The following PRKN variants were observed in gnomAD, a reference collection of about 807,000 sequenced individuals.
PRKN encodes E3 ubiquitin-protein ligase parkin.
Under a neutral mutation model 59.5 loss-of-function variants are expected in PRKN, and 56 were observed. The ratio of observed to expected loss-of-function variants is 0.94; its 90% CI spans 0.76 to 1.18. PRKN has a LOEUF of 1.18. Ranked by LOEUF, PRKN falls within the 50% of genes most tolerant of loss-of-function variation. The probability of loss-of-function intolerance (pLI) is 0.00; values close to 1 mark genes in which losing one functional copy is unlikely to be tolerated. For synonymous variants in PRKN, 250 were observed against 222.1 expected (o/e 1.13, Z -1.12); for missense variants, 657 against 596.4 (o/e 1.10, Z -1.06).
intron 7 of PRKN, among the ~76,000 whole-genome samples, chr6:161,609,382 A>AT (rs1257922601): frequency 6.6e-6 from 1 of 152,042 alleles, no homozygotes; most frequent in African/African-American, 2.4e-5. Context: ...GTGTTTTTTT[A>AT]TTTTTTCTTG....
intron 4 of PRKN, among the ~76,000 whole-genome samples, chr6:162,175,985 A>C (rs2128321255): frequency 6.6e-6 from 1 of 152,328 alleles, no homozygotes; most frequent in Admixed American, 6.5e-5. Flanking sequence ...TTAATTTTAA[A>C]GGTAGATTAT....
intron 3 of PRKN, among the ~76,000 whole-genome samples, chr6:162,202,048 A>G (rs180860066): frequency 1.6e-4 from 24 of 152,330 alleles, no homozygotes; most frequent in African/African-American, 5.1e-4. Context: ...AGCACTTACC[A>G]GAAATACAAC....
intron 5 of PRKN, among the ~76,000 whole-genome samples, chr6:162,016,511 G>T (rs767745290): frequency 6.6e-6 from 1 of 152,048 alleles, no homozygotes; most frequent in South Asian, 2.1e-4. Flanking sequence ...CTCCCATCAC[G>T]AGGAGGGAGA....
At chr6:162,611,417 TAAG>T (rs1374459761) in intron 1 of PRKN, among the ~76,000 whole-genome samples, 2 of 152,200 alleles carry the variant, frequency 1.3e-5, no homozygotes, top group East Asian at 3.8e-4. Context: ...CTAGCAGAAC[TAAG>T]GAGATTTGGT....
chr6:161,631,586 T>C (rs1783312154), intron 7 of PRKN, among the ~76,000 whole-genome samples: 1 of 152,270 alleles, frequency 6.6e-6, no homozygotes, highest in Non-Finnish European at 1.5e-5. Context: ...TTTAAAAATG[T>C]ATCCATCATA....
intron 2 of PRKN, among the ~76,000 whole-genome samples, chr6:162,417,756 G>A (rs988493076): frequency 6.6e-6 from 1 of 152,194 alleles, no homozygotes. Context: ...GTTCATGAAC[G>A]TGTTTACGGG....
intron 1 of PRKN, among the ~76,000 whole-genome samples, chr6:162,682,949 G>T (rs1408864896): frequency 2.6e-5 from 4 of 152,090 alleles, no homozygotes; most frequent in Non-Finnish European, 1.5e-5. Context: ...TATTAAAAAT[G>T]ATTCATAGAA....
At chr6:161,437,903 A>G (rs184421443) in intron 9 of PRKN, among the ~76,000 whole-genome samples, 32 of 152,304 alleles carry the variant, frequency 2.1e-4, no homozygotes, top group Non-Finnish European at 1.9e-4. Flanking sequence ...ACACTAGTAT[A>G]TCTACCAAAG....
rs188607687 is a variant in PRKN at position 161,414,532 on chromosome 6, C to T, written c.1084-27655G>A. On this transcript the variant is annotated intron_variant, in intron 9 of 11. Coordinates refer to ENST00000366898, the MANE Select transcript of PRKN (RefSeq NM_004562.3). This position sits in a 1 kb window ranked among gnomAD's most constrained non-coding sequence, Gnocchi z 5.3. ...GTGCTAAAATCTTATTTAGAGGAGT[C>T]GTGGTAGAATTATTTATTCACTTCT... is the stretch of plus-strand genomic sequence containing the variant. Among the ~76,000 whole-genome samples, 5 of 152,284 alleles carry T rather than the reference C, an allele frequency of 3.3e-5. No homozygotes were observed. Among genetic ancestry groups the T allele is most frequent in the East Asian group, 1.9e-4 (1 of 5,180 alleles).
chr6:162,211,267 C>A (rs1785187694), intron 3 of PRKN, among the ~76,000 whole-genome samples: 1 of 152,150 alleles, frequency 6.6e-6, no homozygotes, highest in South Asian at 2.1e-4. Context: ...CCCCCACATC[C>A]CTCATGCAAT....
intron 10 of PRKN, among the ~76,000 whole-genome samples, chr6:161,380,173 A>C (rs1393873370): frequency 2.6e-5 from 4 of 152,124 alleles, no homozygotes; most frequent in Non-Finnish European, 5.9e-5. Context: ...CCCTTTGCTT[A>C]GGACACCCAT....
intron 9 of PRKN, among the ~76,000 whole-genome samples, chr6:161,513,525 A>AT (rs34386533): frequency 0.55 from 78,155 of 142,764 alleles, 21,905 homozygotes; most frequent in Middle Eastern, 0.67. Flanking sequence ...ATTACAGCAC[A>AT]TTTTTTTTTT....
chr6:162,033,557 C>A (rs920901228), intron 5 of PRKN, among the ~76,000 whole-genome samples: 10 of 152,062 alleles, frequency 6.6e-5, no homozygotes, highest in African/African-American at 2.4e-4. Flanking sequence ...GATCATCTAG[C>A]CCCAAAATAT....
chr6:162,347,019 T>A (rs979347685), intron 2 of PRKN, among the ~76,000 whole-genome samples: 1 of 151,968 alleles, frequency 6.6e-6, no homozygotes, highest in Non-Finnish European at 1.5e-5. Flanking sequence ...ATTATTTGTG[T>A]CTTTAGTATT....
intron 1 of PRKN, among the ~76,000 whole-genome samples, chr6:162,564,288 T>C (rs542646168): frequency 5.1e-4 from 78 of 151,848 alleles, no homozygotes; most frequent in African/African-American, 1.8e-3. Flanking sequence ...GAGGTTGCAG[T>C]GAGCTGAGAT....
chr6:162,087,849 C>T (rs1779316760), intron 4 of PRKN, among the ~76,000 whole-genome samples: 1 of 152,164 alleles, frequency 6.6e-6, no homozygotes, highest in Non-Finnish European at 1.5e-5. Flanking sequence ...GCCTCAGCCT[C>T]CCAAAGTGCT....
chr6:161,785,026 C>T (rs541033595), intron 7 of PRKN, among the ~76,000 whole-genome samples: 33 of 152,172 alleles, frequency 2.2e-4, no homozygotes, highest in Admixed American at 2.1e-3. Flanking sequence ...ACCTATTGTA[C>T]GATTTCTTTT....
At chr6:162,528,880 T>G (rs1457152223) in intron 1 of PRKN, among the ~76,000 whole-genome samples, 1 of 152,078 alleles carries the variant, frequency 6.6e-6, no homozygotes, top group African/African-American at 2.4e-5. Flanking sequence ...AGCTTTTTAC[T>G]TATTTATTTT....
At chr6:162,616,053 G>T (rs1050577232) in intron 1 of PRKN, among the ~76,000 whole-genome samples, 1 of 152,112 alleles carries the variant, frequency 6.6e-6, no homozygotes, top group Non-Finnish European at 1.5e-5. Flanking sequence ...TGTCACCCAG[G>T]AACCTCCTAA....
Sources: allele counts gnomAD v4.1 joint callset (sites outside exome capture counted in the v4.1 genomes callset), GRCh38; gene constraint gnomAD v4.1.1; non-coding constraint Gnocchi (gnomAD v3.1); transcripts MANE v1.5; gene names NCBI Gene and HGNC (gene_info 2026-07-23, HGNC 2026-07-21).